Variants in NEGR1 observed in about 807,000 individuals in gnomAD.
NEGR1 encodes the protein neuronal growth regulator 1.
NEGR1 carries 10 observed loss-of-function variants against 40.9 expected under a neutral mutation model. That is an observed-to-expected ratio of 0.24 (90% CI 0.15 to 0.42). The LOEUF (loss-of-function observed/expected upper bound fraction) is 0.42, where lower values mean the gene tolerates loss of function less well. NEGR1 is among the 10% of genes least tolerant of loss of function. NEGR1 has a pLI of 1.00. For synonymous variants in NEGR1, 185 were observed against 166.8 expected (o/e 1.11, Z -0.84); for missense variants, 352 against 438.9 (o/e 0.80, Z 1.77).
chr1:71,943,056 ATGTG>A (rs1302578595), intron 1 of NEGR1, among the ~76,000 whole-genome samples: 1 of 131,078 alleles, frequency 7.6e-6, no homozygotes, highest in Non-Finnish European at 1.7e-5. Context: ...GTGTATATAT[ATGTG>A]TGTGTATATA....
At chr1:71,546,711 T>C (rs1647908750) in intron 6 of NEGR1, among the ~76,000 whole-genome samples, 1 of 151,634 alleles carries the variant, frequency 6.6e-6, no homozygotes, top group African/African-American at 2.4e-5. Flanking sequence ...ATAGCCAGAG[T>C]TCAAATCCAG....
chr1:71,579,311 T>C (rs770587658), intron 6 of NEGR1, among the ~76,000 whole-genome samples: 3 of 152,182 alleles, frequency 2.0e-5, no homozygotes, highest in Non-Finnish European at 1.5e-5. Context: ...ATTGCTTGTG[T>C]TGCCAAACCC....
chr1:71,771,854 A>C (rs1656343378), intron 3 of NEGR1, among the ~76,000 whole-genome samples: 1 of 152,140 alleles, frequency 6.6e-6, no homozygotes, highest in Non-Finnish European at 1.5e-5. Context: ...GAAAAAAATC[A>C]TCAGTTTGAT....
chr1:71,722,058 C>T (rs1458468177), intron 3 of NEGR1, among the ~76,000 whole-genome samples: 2 of 151,966 alleles, frequency 1.3e-5, no homozygotes, highest in South Asian at 2.1e-4. Context: ...CTAAGCATAA[C>T]GAAATGACAT....
intron 1 of NEGR1, among the ~76,000 whole-genome samples, chr1:72,272,662 A>G (rs1291803228): frequency 1.3e-5 from 2 of 151,960 alleles, no homozygotes; most frequent in African/African-American, 4.8e-5. Context: ...ATGGCCCTTT[A>G]AGTTATCTAA....
intron 3 of NEGR1, among the ~76,000 whole-genome samples, chr1:71,713,988 C>T (rs922013840): frequency 6.6e-6 from 1 of 151,988 alleles, no homozygotes; most frequent in Non-Finnish European, 1.5e-5. Context: ...AAAAAGGAAA[C>T]AGTACCTATT....
intron 1 of NEGR1, among the ~76,000 whole-genome samples, chr1:72,209,544 G>A (rs1343831172): frequency 6.6e-6 from 1 of 151,720 alleles, no homozygotes; most frequent in Non-Finnish European, 1.5e-5. Context: ...CTCATTCAGT[G>A]AAGATTCCCT....
At chr1:71,806,869 T>C (rs1657791466) in intron 2 of NEGR1, among the ~76,000 whole-genome samples, 1 of 150,942 alleles carries the variant, frequency 6.6e-6, no homozygotes, top group South Asian at 2.1e-4. Flanking sequence ...ACTTAAGTAC[T>C]GCGCAAACAT....
At chr1:71,852,915 A>G (rs917244330) in intron 2 of NEGR1, among the ~76,000 whole-genome samples, 11 of 152,082 alleles carry the variant, frequency 7.2e-5, no homozygotes, top group African/African-American at 2.7e-4. Context: ...TAAAGAATGG[A>G]AAACGCTTGT....
At chr1:72,280,109 T>A (rs1157974276) in intron 1 of NEGR1, among the ~76,000 whole-genome samples, 3 of 152,174 alleles carry the variant, frequency 2.0e-5, no homozygotes, top group African/African-American at 7.2e-5. Context: ...ATGCGGGATA[T>A]AGCATCAAAA....
chr1:71,538,833 C>A (rs531164704), intron 6 of NEGR1, among the ~76,000 whole-genome samples: 8 of 151,736 alleles, frequency 5.3e-5, no homozygotes, highest in Non-Finnish European at 1.0e-4. Flanking sequence ...CTGTCTAATA[C>A]AGACAGCACT....
intron 1 of NEGR1, among the ~76,000 whole-genome samples, chr1:72,035,988 T>C (rs1469015752): frequency 2.8e-4 from 42 of 152,250 alleles, no homozygotes; most frequent in Non-Finnish European, 7.4e-5. Context: ...ATAGAGACAT[T>C]TAGAAATAAC....
chr1:71,775,200 T>G lies in NEGR1; in HGVS notation c.535+972A>C, dbSNP rs371669640. ...CAAATAAATCTCTTACATATTTAAA[T>G]GAAGACATTTCTCTTGTGACATTTC... is the stretch of plus-strand genomic sequence containing the variant. On this transcript the variant is annotated intron_variant, in intron 3 of 6. Coordinates refer to ENST00000357731, the MANE Select transcript of NEGR1 (RefSeq NM_173808.3). Among the ~76,000 whole-genome samples the G allele has an allele frequency of 4.6e-5, 7 of 152,220 alleles. No individual in the cohort carries two copies. The East Asian group carries it at 7.7e-4, about 17-fold the overall frequency.
At chr1:71,871,860 CACAA>C (rs1486377778) in intron 2 of NEGR1, among the ~76,000 whole-genome samples, 3 of 152,110 alleles carry the variant, frequency 2.0e-5, no homozygotes, top group African/African-American at 4.8e-5. Context: ...GTAACTTGAA[CACAA>C]ACAATCAATT....
chr1:71,966,317 C>T (rs903123480), intron 1 of NEGR1, among the ~76,000 whole-genome samples: 3 of 152,166 alleles, frequency 2.0e-5, no homozygotes, highest in African/African-American at 4.8e-5. Flanking sequence ...ACTTAACACA[C>T]GTGCTCTGTC....
intron 6 of NEGR1, among the ~76,000 whole-genome samples, chr1:71,421,900 A>G (rs1036799978): frequency 1.3e-5 from 2 of 150,746 alleles, no homozygotes; most frequent in Admixed American, 1.3e-4. Flanking sequence ...TTAAATATTA[A>G]TATCTCCTTG....
At chr1:72,135,409 A>AC (rs1650422816) in intron 1 of NEGR1, among the ~76,000 whole-genome samples, 2 of 113,910 alleles carry the variant, frequency 1.8e-5, no homozygotes, top group African/African-American at 3.2e-5. Flanking sequence ...AAAAACAAAA[A>AC]AAAAAACAAA....
chr1:71,437,881 A>G (rs754379887), intron 6 of NEGR1, among the ~76,000 whole-genome samples: 86 of 150,698 alleles, frequency 5.7e-4, no homozygotes, highest in Admixed American at 2.0e-3. Context: ...GATTATTTTC[A>G]AGTCGAAGGA....
intron 3 of NEGR1, among the ~76,000 whole-genome samples, chr1:71,771,305 C>T (rs546500127): frequency 3.3e-5 from 5 of 151,952 alleles, no homozygotes; most frequent in African/African-American, 1.2e-4. Flanking sequence ...TCAGGGGGTT[C>T]GGGGCTAGGG....
Sources: allele counts gnomAD v4.1 joint callset (sites outside exome capture counted in the v4.1 genomes callset), GRCh38; gene constraint gnomAD v4.1.1; transcripts MANE v1.5; gene names NCBI Gene and HGNC (gene_info 2026-07-23, HGNC 2026-07-21).